CPED1: variants seen among roughly 807,000 people sequenced by gnomAD.
The protein encoded by CPED1 is cadherin-like and PC-esterase domain-containing protein 1.
In CPED1, 114 loss-of-function variants were observed where a neutral mutation model predicts 128.2. The observed-to-expected ratio is 0.89, with a 90% CI of 0.76 to 1.04. The LOEUF (loss-of-function observed/expected upper bound fraction) is 1.04. Among genes scored for constraint, CPED1 ranks in the 50% least tolerant of loss-of-function variants. The probability of loss-of-function intolerance (pLI) is 0.00; values close to 1 mark genes in which losing one functional copy is unlikely to be tolerated. For synonymous variants in CPED1, 462 were observed against 426.7 expected (o/e 1.08, Z -1.02); for missense variants, 1,211 against 1,207.1 (o/e 1.00, Z -0.05).
intron 2 of CPED1, among the ~76,000 whole-genome samples, chr7:120,990,712 T>C (rs1455602307): frequency 6.6e-6 from 1 of 152,212 alleles, no homozygotes; most frequent in Non-Finnish European, 1.5e-5. Flanking sequence ...ACAAGTAGTA[T>C]TGTAGCAACA....
At chr7:121,110,114 G>T (rs142351586) in intron 7 of CPED1, among the ~76,000 whole-genome samples, 33 of 152,260 alleles carry the variant, frequency 2.2e-4, no homozygotes, top group African/African-American at 7.2e-4. Context: ...TATGACCTTA[G>T]ACAAATCTGC....
In CPED1 at chr7:121,130,199, T is replaced by C. The variant is rs368421505; in HGVS notation, c.1482T>C (p.Asn494=). The C allele has an allele frequency of 4.8e-5, 78 of 1,612,906 alleles. No homozygotes were observed. Among genetic ancestry groups the C allele is most frequent in the Non-Finnish European group, 6.3e-5 (74 of 1,179,274 alleles). ...ATGATGTGGCAAATCCTGTGGGAAA[T>C]CCTGGCTCAGTCCTGACCCAATACT... is the stretch of plus-strand genomic sequence containing the variant. ...EFYDVANPVG[N]PGSVLTQYWS... Residue 494 remains asparagine, a synonymous_variant, in exon 12 of 23, where the codon AAT becomes AAC. Coordinates refer to ENST00000310396, the MANE Select transcript of CPED1 (RefSeq NM_024913.5).
At chr7:121,221,114 C>T (rs1159227575) in intron 16 of CPED1, among the ~76,000 whole-genome samples, 2 of 151,972 alleles carry the variant, frequency 1.3e-5, no homozygotes, top group African/African-American at 2.4e-5. Flanking sequence ...TATCTGTCCC[C>T]AAGTCCCCCA....
intron 16 of CPED1, among the ~76,000 whole-genome samples, chr7:121,180,879 C>G (rs1222959187): frequency 6.6e-6 from 1 of 151,960 alleles, no homozygotes; most frequent in Non-Finnish European, 1.5e-5. Flanking sequence ...TGATGATTAG[C>G]TGGGACATGT....
At chr7:121,135,467 T>C (rs1326960746) in intron 13 of CPED1, among the ~76,000 whole-genome samples, 1 of 152,048 alleles carries the variant, frequency 6.6e-6, no homozygotes, top group African/African-American at 2.4e-5. Context: ...GCCCTTCAGA[T>C]GATTCTGAGG....
chr7:121,210,689 G>T (rs1167251784), intron 16 of CPED1, among the ~76,000 whole-genome samples: 1 of 151,766 alleles, frequency 6.6e-6, no homozygotes, highest in Non-Finnish European at 1.5e-5. Context: ...TGGGAAATGG[G>T]GATGGTTGAT....
chr7:120,997,944 AAATAAAATAAAAT>A (rs1227879622), intron 2 of CPED1, among the ~76,000 whole-genome samples: 1 of 141,684 alleles, frequency 7.1e-6, no homozygotes, highest in African/African-American at 3.0e-5. Flanking sequence ...AAATAAAATA[AAATAAAATAAAAT>A]AAAATAAAAT....
At chr7:121,126,076 A>G (rs1367111550) in intron 9 of CPED1, among the ~76,000 whole-genome samples, 184 bp downstream of exon 9, 3 of 152,164 alleles carry the variant, frequency 2.0e-5, no homozygotes, top group Non-Finnish European at 4.4e-5. Flanking sequence ...TATGAGTCCA[A>G]TCCTGCCTAT....
At chr7:121,064,179 G>T in intron 4 of CPED1, 59 bp from the exon 5 acceptor site, 2 of 1,159,872 alleles carry the variant, frequency 1.7e-6, no homozygotes, top group Non-Finnish European at 2.6e-6. Flanking sequence ...GTGTTTGCTT[G>T]GTTTTGCTTT....
intron 2 of CPED1, among the ~76,000 whole-genome samples, chr7:121,001,079 T>C (rs1388576480): frequency 1.3e-5 from 2 of 152,152 alleles, no homozygotes; most frequent in Non-Finnish European, 2.9e-5. Context: ...ATAATGCATA[T>C]GTAGCATGTA....
chr7:121,268,940 T>G (rs1157540791), intron 21 of CPED1, among the ~76,000 whole-genome samples: 2 of 151,990 alleles, frequency 1.3e-5, no homozygotes, highest in Non-Finnish European at 2.9e-5. Flanking sequence ...CTTACTCATG[T>G]CAGTCATATA....
At chr7:121,021,376 T>C (rs1401247891) in intron 3 of CPED1, among the ~76,000 whole-genome samples, 1 of 151,982 alleles carries the variant, frequency 6.6e-6, no homozygotes, top group Admixed American at 6.6e-5. Context: ...TGATATTTAG[T>C]ATAATTTTGA....
chr7:121,083,112 C>T (rs1469707479), intron 5 of CPED1, among the ~76,000 whole-genome samples: 1 of 152,106 alleles, frequency 6.6e-6, no homozygotes, highest in Non-Finnish European at 1.5e-5. Flanking sequence ...CTCTCACTGG[C>T]ACTCTCCTCC....
At chr7:121,150,035 C>T (rs1796120509) in intron 16 of CPED1, among the ~76,000 whole-genome samples, 1 of 151,992 alleles carries the variant, frequency 6.6e-6, no homozygotes, top group Non-Finnish European at 1.5e-5. Context: ...ATCTTAGATA[C>T]GAAGTATTTT....
chr7:121,271,600 C>T (rs1405177249), intron 22 of CPED1, among the ~76,000 whole-genome samples, 170 bp downstream of exon 22: 1 of 152,096 alleles, frequency 6.6e-6, no homozygotes, highest in African/African-American at 2.4e-5. Flanking sequence ...GTAACCACAA[C>T]TTTAGCTCTA....
intron 2 of CPED1, among the ~76,000 whole-genome samples, chr7:120,995,035 A>C (rs976172070): frequency 1.3e-5 from 2 of 152,098 alleles, no homozygotes; most frequent in African/African-American, 4.8e-5. Context: ...GCCAATTCCA[A>C]ATCTTTCCTC....
At chr7:121,238,807 A>G (rs1798320789) in intron 17 of CPED1, among the ~76,000 whole-genome samples, 1 of 151,574 alleles carries the variant, frequency 6.6e-6, no homozygotes, top group African/African-American at 2.4e-5. Context: ...TGCACGAGCA[A>G]TATGTTTTTA....
At chr7:121,126,165 T>C (rs547322606) in intron 9 of CPED1, among the ~76,000 whole-genome samples, 5 of 152,272 alleles carry the variant, frequency 3.3e-5, no homozygotes, top group Admixed American at 6.5e-5. Context: ...AAGTCAAGTA[T>C]GCATTAAAGG....
chr7:121,284,399 A>C (rs189877111), intron 22 of CPED1, among the ~76,000 whole-genome samples: 12 of 152,286 alleles, frequency 7.9e-5, no homozygotes, highest in African/African-American at 2.9e-4. Context: ...CTTCCATTTC[A>C]AAACGTAATC....
Sources: gnomAD v4.1 joint callset for allele counts (sites outside exome capture counted in the v4.1 genomes callset) on GRCh38, gnomAD v4.1.1 for gene constraint, MANE v1.5 for transcripts, NCBI Gene and HGNC (gene_info 2026-07-23, HGNC 2026-07-21) for gene names.